The following GPR39 variants were observed in gnomAD, a reference collection of about 807,000 sequenced individuals.
The protein encoded by GPR39 is zinc sensing receptor.
GPR39 carries 23 observed loss-of-function variants against 18.4 expected under a neutral mutation model. The ratio of observed to expected loss-of-function variants is 1.25; its 90% CI spans 0.90 to 1.77. The LOEUF (loss-of-function observed/expected upper bound fraction) is 1.77, where lower values mean the gene tolerates loss of function less well. Among genes scored for constraint, GPR39 ranks in the 40% most tolerant of loss-of-function variants. The probability of loss-of-function intolerance (pLI) is 0.00; values close to 1 mark genes in which losing one functional copy is unlikely to be tolerated. For missense variants in GPR39, 647 were observed against 602.4 expected, an observed-to-expected ratio of 1.07 and a Z score of -0.78; for synonymous variants, 280 against 257.9, an observed-to-expected ratio of 1.09 and a Z score of -0.82.
intron 1 of GPR39, among the ~76,000 whole-genome samples, chr2:132,608,095 A>G (rs989361230): frequency 1.3e-5 from 2 of 152,224 alleles, no homozygotes; most frequent in Admixed American, 6.5e-5. Context: ...TTTCAGGGGC[A>G]AAGAAAAAAG....
intron 1 of GPR39, among the ~76,000 whole-genome samples, chr2:132,579,023 CTTT>C (rs1253300294): frequency 3.3e-5 from 5 of 151,278 alleles, no homozygotes; most frequent in Non-Finnish European, 7.4e-5. Flanking sequence ...TTTCTCTCTT[CTTT>C]TTTAAGTTCT....
At chr2:132,421,446 G>T (rs565416067) in intron 1 of GPR39, among the ~76,000 whole-genome samples, 4 of 143,332 alleles carry the variant, frequency 2.8e-5, no homozygotes, top group Non-Finnish European at 4.6e-5. Flanking sequence ...TATGAAAAAA[G>T]ATTTTACAGA....
intron 1 of GPR39, among the ~76,000 whole-genome samples, chr2:132,629,174 C>A (rs1298063285): frequency 6.6e-6 from 1 of 152,128 alleles, no homozygotes; most frequent in African/African-American, 2.4e-5. Context: ...GGTGATAAGG[C>A]TTGGAAGACA....
intron 1 of GPR39, among the ~76,000 whole-genome samples, chr2:132,493,354 C>T (rs1210633083): frequency 3.5e-5 from 5 of 142,796 alleles, no homozygotes; most frequent in Non-Finnish European, 7.7e-5. Context: ...TATACACATA[C>T]CACATATATA....
intron 1 of GPR39, among the ~76,000 whole-genome samples, chr2:132,634,013 AGTGTTG>A (rs1255336741): frequency 2.7e-5 from 4 of 148,364 alleles, no homozygotes; most frequent in Non-Finnish European, 6.0e-5. Flanking sequence ...TGGTGGAAGC[AGTGTTG>A]GTGTTGGTGG....
At chr2:132,424,107 A>G (rs1013385209) in intron 1 of GPR39, among the ~76,000 whole-genome samples, 2 of 152,168 alleles carry the variant, frequency 1.3e-5, no homozygotes, top group African/African-American at 4.8e-5. Context: ...AATGAACACT[A>G]TGTGCTAATC....
chr2:132,622,679 AT>A (rs563924272), intron 1 of GPR39, among the ~76,000 whole-genome samples: 192 of 152,346 alleles, frequency 1.3e-3, no homozygotes, highest in Non-Finnish European at 1.6e-3. Flanking sequence ...GTGGCAATTG[AT>A]TGAAAGACTT....
intron 1 of GPR39, among the ~76,000 whole-genome samples, chr2:132,634,091 G>A (rs1339410211): frequency 6.6e-6 from 1 of 151,820 alleles, no homozygotes; most frequent in Non-Finnish European, 1.5e-5. Context: ...TGGTGTTCGT[G>A]GTGATGGAGG....
chr2:132,611,291 G>A (rs182240423), intron 1 of GPR39, among the ~76,000 whole-genome samples: 6 of 152,260 alleles, frequency 3.9e-5, no homozygotes, highest in East Asian at 1.9e-4. Flanking sequence ...TTTATTAGGC[G>A]TCTTTTACTT....
intron 1 of GPR39, among the ~76,000 whole-genome samples, chr2:132,613,408 A>G (rs1681269588): frequency 6.6e-6 from 1 of 152,224 alleles, no homozygotes. Flanking sequence ...AAACTTATGC[A>G]TCCTTCAAGT....
intron 1 of GPR39, among the ~76,000 whole-genome samples, chr2:132,423,306 G>GT (rs1680049971): frequency 6.7e-6 from 1 of 150,062 alleles, no homozygotes; most frequent in African/African-American, 2.5e-5. Flanking sequence ...GTGTTCTCCT[G>GT]GTGTCTCTTG....
chr2:132,625,699 TC>T (rs1681530369), intron 1 of GPR39, among the ~76,000 whole-genome samples: 1 of 152,228 alleles, frequency 6.6e-6, no homozygotes, highest in Admixed American at 6.5e-5. Flanking sequence ...GAGTTTTTAT[TC>T]CTCTGTGCTG....
intron 1 of GPR39, among the ~76,000 whole-genome samples, chr2:132,478,129 T>G (rs1298202583): frequency 6.6e-6 from 1 of 152,252 alleles, no homozygotes; most frequent in Non-Finnish European, 1.5e-5. Flanking sequence ...GGCATTACAA[T>G]GACTCTTTAA....
chr2:132,477,107 G>A (rs1397764872), intron 1 of GPR39, among the ~76,000 whole-genome samples: 1 of 152,210 alleles, frequency 6.6e-6, no homozygotes, highest in Non-Finnish European at 1.5e-5. Flanking sequence ...CATGGACCCA[G>A]TGGGAATAAT....
At chr2:132,474,887 T>G (rs1412187926) in intron 1 of GPR39, among the ~76,000 whole-genome samples, 26 of 152,188 alleles carry the variant, frequency 1.7e-4, no homozygotes, top group Admixed American at 1.7e-3. Context: ...ATCAGTACAT[T>G]TCTTATTGCC....
chr2:132,535,291 T>C (rs1180365825), intron 1 of GPR39, among the ~76,000 whole-genome samples: 1 of 152,234 alleles, frequency 6.6e-6, no homozygotes, highest in Non-Finnish European at 1.5e-5. Flanking sequence ...TTGAGTTTTA[T>C]CAAAGTCCTT....
At chr2:132,636,698 G>C (rs1460103185) in intron 1 of GPR39, among the ~76,000 whole-genome samples, 1 of 152,218 alleles carries the variant, frequency 6.6e-6, no homozygotes, top group Non-Finnish European at 1.5e-5. Context: ...TTCAGTGCCA[G>C]CATTCTAGAG....
intron 1 of GPR39, among the ~76,000 whole-genome samples, chr2:132,618,386 T>C (rs1343251006): frequency 1.3e-5 from 2 of 152,240 alleles, no homozygotes; most frequent in Non-Finnish European, 2.9e-5. Flanking sequence ...TTTTGAGTTG[T>C]TGCTTTTTTG....
At chr2:132,432,088 A>G (rs1356956872) in intron 1 of GPR39, among the ~76,000 whole-genome samples, 1 of 152,088 alleles carries the variant, frequency 6.6e-6, no homozygotes, top group African/African-American at 2.4e-5. Context: ...TCTTCAAGTC[A>G]TCTTCTTGTT....
Sources: gnomAD v4.1 joint callset for allele counts (sites outside exome capture counted in the v4.1 genomes callset) on GRCh38, gnomAD v4.1.1 for gene constraint, MANE v1.5 for transcripts, NCBI Gene and HGNC (gene_info 2026-07-23, HGNC 2026-07-21) for gene names.